The following RARG variants were observed in gnomAD, a reference collection of about 807,000 sequenced individuals.
The protein encoded by RARG is retinoic acid receptor gamma, also known as RAR-gamma.
In RARG, 17 loss-of-function variants were observed where a neutral mutation model predicts 43.7. The ratio of observed to expected loss-of-function variants is 0.39; its 90% CI spans 0.27 to 0.58. The LOEUF (loss-of-function observed/expected upper bound fraction) is 0.58. RARG is among the 20% of genes least tolerant of loss of function. RARG has a pLI of 0.57. For missense variants in RARG, 346 were observed against 598.7 expected (o/e 0.58, Z 4.40); for synonymous variants, 238 against 236.4 (o/e 1.01, Z -0.06).
Position 53,211,949 on chromosome 12 carries a change from C to T in RARG, c.1178-86G>A. The stretch of plus-strand genomic sequence containing the variant: ...ATCTCCCTAACCTTTCTCAACTGCC[C>T]CTGACTCCCCTAGGGGGCGCCCAGC... On this transcript the variant is annotated intron_variant, in intron 9 of 9. Coordinates refer to ENST00000425354, the MANE Select transcript of RARG (RefSeq NM_000966.6). This position sits in a 1 kb window ranked among gnomAD's most constrained non-coding sequence, Gnocchi z 4.6. 2 of 1,129,516 alleles carry T rather than the reference C, an allele frequency of 1.8e-6. No homozygotes were observed. Among genetic ancestry groups the T allele is most frequent in the Non-Finnish European group, 2.3e-6 (2 of 859,518 alleles). The allele number at this position is 1,129,516 out of a possible 1,614,324, so 70.0% of individuals were successfully genotyped here.
intron 2 of RARG, among the ~76,000 whole-genome samples, chr12:53,230,960 G>C (rs1943223293): frequency 6.6e-6 from 1 of 151,560 alleles, no homozygotes. Context: ...CTCTCTACTT[G>C]CCTCAAGGAT....
At chr12:53,212,759 C>T (rs1321238747) in intron 9 of RARG, among the ~76,000 whole-genome samples, 1 of 151,460 alleles carries the variant, frequency 6.6e-6, no homozygotes, top group African/African-American at 2.4e-5. Context: ...CACACACACA[C>T]ACACACACAC....
chr12:53,231,961 C>T lies in RARG; in HGVS notation c.-210+13G>A. 2.5e-6 allele frequency: 1 copy of T among 396,082 alleles called. No individual in the cohort carries two copies. Among genetic ancestry groups the T allele is most frequent in the Non-Finnish European group, 4.4e-6 (1 of 224,904 alleles). The allele number at this position is 396,082 out of a possible 1,614,324, so 24.5% of individuals were successfully genotyped here. A position where few individuals can be genotyped will look rare whatever the true frequency, so the allele number is the denominator to read the frequency against. ...CGACGGGGCGGGCGAGCCTGCTTCC[C>T]CGCCTGACTCACCTGGAGTGGGAGG... On this transcript the variant is annotated intron_variant, in intron 1 of 9. Coordinates refer to ENST00000425354, the MANE Select transcript of RARG (RefSeq NM_000966.6).
rs1942726850 is a variant in RARG at position 53,215,180 on chromosome 12, C to A, written c.475+113G>T. 3 of 1,381,394 alleles carry A rather than the reference C, an allele frequency of 2.2e-6. No homozygotes were observed. In the South Asian group the frequency reaches 4.1e-5, roughly 19 times the overall value. The allele number at this position is 1,381,394 out of a possible 1,614,324, so 85.6% of individuals were successfully genotyped here. A position where few individuals can be genotyped will look rare whatever the true frequency, so the allele number is the denominator to read the frequency against. On this transcript the variant is annotated intron_variant, in intron 5 of 9. Transcript: ENST00000425354. The surrounding 1 kb of genome is among the most constrained non-coding windows in gnomAD (Gnocchi z 6.4). ...ACTGGCCTGGGAGAAGGCAGCACCC[C>A]AGGGCAGGCCAAGTCTCAGAGGTCA...
chr12:53,213,076 A>G lies in RARG; in HGVS notation c.1177+9T>C. 6.2e-7 allele frequency: 1 copy of G among 1,607,146 alleles called. No individual in the cohort carries two copies. Among genetic ancestry groups the G allele is most frequent in the Non-Finnish European group, 8.5e-7 (1 of 1,176,102 alleles). On this transcript the variant is annotated intron_variant, in intron 9 of 9. Transcript: ENST00000425354. The surrounding 1 kb of genome is among the most constrained non-coding windows in gnomAD (Gnocchi z 4.7). ...GAAGACAGAGAGGGGACACCCACTCATGACTCACCCTTAGTGCTGATGCCC... is the reference window on the plus strand; with the variant it reads ...GAAGACAGAGAGGGGACACCCACTCGTGACTCACCCTTAGTGCTGATGCCC...
chr12:53,227,274 A>G lies in RARG; in HGVS notation c.184+88T>C, dbSNP rs1943131178. The G allele has an allele frequency of 2.9e-6, 4 of 1,359,528 alleles. No homozygotes were observed. The African/African-American group carries it at 6.0e-5, about 20-fold the overall frequency. The allele number at this position is 1,359,528 out of a possible 1,614,324, so 84.2% of individuals were successfully genotyped here. ...ACCCCTGTCCCCTGCCTGCCTTCCT[A>G]ACTGGGGTGCCAACTCTTTTACCAT... On this transcript the variant is annotated intron_variant, in intron 3 of 9. Coordinates refer to ENST00000425354, the MANE Select transcript of RARG (RefSeq NM_000966.6). The surrounding 1 kb of genome is among the most constrained non-coding windows in gnomAD (Gnocchi z 4.3).
chr12:53,215,770 G>T lies in RARG; in HGVS notation c.209C>A (p.Ser70Ter). Residue 70 changes from serine (S) to a stop codon, truncating the protein, a stop_gained, in exon 4 of 10, where the codon TCA (serine) becomes TAA (stop). Coordinates refer to ENST00000425354, the MANE Select transcript of RARG (RefSeq NM_000966.6). LOFTEE classifies it high-confidence loss of function. This position sits in a 1 kb window ranked among gnomAD's most constrained non-coding sequence, Gnocchi z 6.4. Reference protein sequence around the residue: ...SLSVETQSTSSEEMVPSSPSP... With the variant: ...SLSVETQSTS ...GGGCGAGCTGGGCACCATCTCCTCT[G>T]AGCTGGTGCTCTGTGTCTCCACCGC... The T allele has an allele frequency of 6.2e-7, 1 of 1,610,964 alleles. No homozygotes were observed. Among genetic ancestry groups the T allele is most frequent in the Non-Finnish European group, 8.5e-7 (1 of 1,178,698 alleles).
chr12:53,217,611 G>A (rs1942814124), intron 3 of RARG, among the ~76,000 whole-genome samples: 1 of 152,184 alleles, frequency 6.6e-6, no homozygotes, highest in South Asian at 2.1e-4. Flanking sequence ...CAGCCTAGTG[G>A]CTCCGAGGTC....
intron 3 of RARG, among the ~76,000 whole-genome samples, chr12:53,224,444 A>G (rs1341601968): frequency 6.6e-6 from 1 of 152,160 alleles, no homozygotes; most frequent in Non-Finnish European, 1.5e-5. Flanking sequence ...GGAGAGGGTG[A>G]TGAGATGCAC....
chr12:53,215,006 C>A lies in RARG; in HGVS notation c.475+287G>T. On this transcript the variant is annotated intron_variant, in intron 5 of 9. Transcript: ENST00000425354. The surrounding 1 kb of genome is among the most constrained non-coding windows in gnomAD (Gnocchi z 6.4). ...GCTCAGTCCAGGGGAGGGAAAGGGA[C>A]TGGCAAGCCCACTGGCTTCATTTCC... 2.0e-6 allele frequency: 1 copy of A among 493,404 alleles called. No homozygotes were observed. The highest frequency in any genetic ancestry group is 3.6e-6 in the Non-Finnish European group (1 of 275,860). 30.6% of individuals were successfully genotyped at this position (493,404 alleles called of 1,614,324 possible). A position where few individuals can be genotyped will look rare whatever the true frequency, so the allele number is the denominator to read the frequency against.
At chr12:53,225,498 C>A (rs1413402976) in intron 3 of RARG, among the ~76,000 whole-genome samples, 1 of 152,208 alleles carries the variant, frequency 6.6e-6, no homozygotes, top group Non-Finnish European at 1.5e-5. Flanking sequence ...CCTAGTCACC[C>A]CTTTCACATA....
chr12:53,224,241 C>T (rs538955476), intron 3 of RARG, among the ~76,000 whole-genome samples: 11 of 152,098 alleles, frequency 7.2e-5, no homozygotes, highest in Non-Finnish European at 1.2e-4. Context: ...TGTCTCACCC[C>T]CCTTCAGACC....
chr12:53,214,627 G>A (rs1447954001), intron 5 of RARG, 21 bp from the exon 6 acceptor site: 1 of 1,588,804 alleles, frequency 6.3e-7, no homozygotes, highest in African/African-American at 1.3e-5. Context: ...GAGGCGCAAG[G>A]AGAGGGTCAG....
At position 53,227,367 on chromosome 12, in the gene RARG, G is replaced by C. The variant is rs767255761; in HGVS notation, c.179C>G (p.Ser60Cys). 1.9e-6 allele frequency: 3 copies of C among 1,561,882 alleles called. No individual in the cohort carries two copies. The highest frequency in any genetic ancestry group is 2.6e-6 in the Non-Finnish European group (3 of 1,154,928). ...GQPDLPKEMA[S>C]LSVETQSTSS... The stretch of plus-strand genomic sequence containing the variant: ...CCAAGATCCCTGAGACTCACACAGA[G>C]AGGCCATCTCCTTGGGGAGGTCAGG... The change falls in exon 3 of 10, where the codon TCT becomes TGT. Residue 60 changes from serine to cysteine, a missense_variant. By Grantham distance (112) the Ser-to-Cys change is moderately radical. Coordinates refer to ENST00000425354, the MANE Select transcript of RARG (RefSeq NM_000966.6). This position sits in a 1 kb window ranked among gnomAD's most constrained non-coding sequence, Gnocchi z 4.3.
chr12:53,219,160 CCACA>C (rs1263547785), intron 3 of RARG, among the ~76,000 whole-genome samples: 1 of 152,182 alleles, frequency 6.6e-6, no homozygotes, highest in Non-Finnish European at 1.5e-5. Context: ...CCACCCCCCA[CCACA>C]CACACAGACT....
At chr12:53,214,732 T>C in intron 5 of RARG, 126 bp from the exon 6 acceptor site, 1 of 1,076,522 alleles carries the variant, frequency 9.3e-7, no homozygotes, top group Non-Finnish European at 1.3e-6. Flanking sequence ...CTGTAATTAC[T>C]GCCTCAGTTT....
intron 3 of RARG, among the ~76,000 whole-genome samples, chr12:53,219,418 C>T (rs940285538): frequency 6.6e-6 from 1 of 152,230 alleles, no homozygotes; most frequent in Non-Finnish European, 1.5e-5. Context: ...CAGGGGCACA[C>T]GCCCTCCCGG....
At position 53,213,445 on chromosome 12, in the gene RARG, G is replaced by A. The variant is rs749618430; in HGVS notation, c.1018+51C>T. ...CTCCCAGACAGATTCCGCATGGAGT[G>A]GTGGGAAAGGAGACTGAGCACTGAG... On this transcript the variant is annotated intron_variant, in intron 8 of 9. Coordinates refer to ENST00000425354, the MANE Select transcript of RARG (RefSeq NM_000966.6). The surrounding 1 kb of genome is among the most constrained non-coding windows in gnomAD (Gnocchi z 4.7). 1 of 1,580,434 alleles carries A rather than the reference G, an allele frequency of 6.3e-7. No homozygotes were observed. Among genetic ancestry groups the A allele is most frequent in the East Asian group, 2.2e-5 (1 of 44,648 alleles).
chr12:53,213,880 G>C lies in RARG; in HGVS notation c.813+179C>G. 1 of 1,061,280 alleles carries C rather than the reference G, an allele frequency of 9.4e-7. No individual in the cohort carries two copies. The highest frequency in any genetic ancestry group is 1.4e-6 in the Non-Finnish European group (1 of 725,200). 65.7% of individuals were successfully genotyped at this position (1,061,280 alleles called of 1,614,324 possible). On this transcript the variant is annotated intron_variant, in intron 7 of 9. Transcript: ENST00000425354. This position sits in a 1 kb window ranked among gnomAD's most constrained non-coding sequence, Gnocchi z 4.7. The stretch of plus-strand genomic sequence containing the variant: ...AGTCCCGGGAAGTCAGGAGGAGACA[G>C]GGCATCCAAAAGTCTAGGATCAGGT...
Sources: allele counts gnomAD v4.1 joint callset (sites outside exome capture counted in the v4.1 genomes callset), GRCh38; gene constraint gnomAD v4.1.1; non-coding constraint Gnocchi (gnomAD v3.1); transcripts MANE v1.5; gene names NCBI Gene and HGNC (gene_info 2026-07-23, HGNC 2026-07-21).